SLC35F3: variants seen among roughly 807,000 people sequenced by gnomAD.
SLC35F3 encodes the protein putative thiamine transporter SLC35F3.
Under a neutral mutation model 49.9 loss-of-function variants are expected in SLC35F3, and 25 were observed. The ratio of observed to expected loss-of-function variants is 0.50; its 90% CI spans 0.37 to 0.70. SLC35F3 has a LOEUF of 0.70. Ranked by LOEUF, SLC35F3 falls within the 30% of genes least tolerant of loss-of-function variation. SLC35F3 has a pLI of 0.00. For missense variants in SLC35F3, 525 were observed against 639.8 expected, an observed-to-expected ratio of 0.82 and a Z score of 1.94; for synonymous variants, 275 against 265.4, an observed-to-expected ratio of 1.04 and a Z score of -0.35.
At chr1:234,237,796 G>A (rs1309960433) in intron 3 of SLC35F3, among the ~76,000 whole-genome samples, 10 of 152,224 alleles carry the variant, frequency 6.6e-5, no homozygotes, top group Non-Finnish European at 1.5e-5. Flanking sequence ...AAGTGGAAAT[G>A]CCCTTTACCT....
chr1:233,938,057 C>T (rs1662362311), intron 2 of SLC35F3, among the ~76,000 whole-genome samples: 1 of 152,094 alleles, frequency 6.6e-6, no homozygotes. Context: ...TGCCATTGCC[C>T]CCATTGATTA....
At chr1:234,251,298 T>C (rs1373924456) in intron 3 of SLC35F3, among the ~76,000 whole-genome samples, 2 of 152,120 alleles carry the variant, frequency 1.3e-5, no homozygotes, top group African/African-American at 4.8e-5. Flanking sequence ...AAAGTAACCA[T>C]GGCATCCTAA....
intron 3 of SLC35F3, among the ~76,000 whole-genome samples, chr1:234,282,557 C>T (rs76853338): frequency 0.058 from 8,764 of 152,300 alleles, 320 homozygotes; most frequent in African/African-American, 0.097. Context: ...GATGCCCCAG[C>T]GACCAGGTGT....
At chr1:234,036,311 C>A (rs144974164) in intron 2 of SLC35F3, among the ~76,000 whole-genome samples, 1 of 152,210 alleles carries the variant, frequency 6.6e-6, no homozygotes. Context: ...AGCAATCCTC[C>A]CAGCTTAGCG....
rs550796904 is a variant in SLC35F3 at position 234,179,193 on chromosome 1, C to T, written c.284-52224C>T. On this transcript the variant is annotated intron_variant, in intron 2 of 7. Coordinates refer to ENST00000366618, the MANE Select transcript of SLC35F3 (RefSeq NM_173508.4). ...AGACCTGAGTAGAATAGAACTCCTA[C>T]GCCGAGTGTTTCAGTGAACAGAGAA... Among the ~76,000 whole-genome samples, 14 of 152,232 alleles carry T rather than the reference C, an allele frequency of 9.2e-5. No homozygotes were observed. In the South Asian group the frequency reaches 2.1e-3, roughly 23 times the overall value.
chr1:234,212,339 C>T (rs1456765904), intron 2 of SLC35F3, among the ~76,000 whole-genome samples: 1 of 152,208 alleles, frequency 6.6e-6, no homozygotes, highest in African/African-American at 2.4e-5. Flanking sequence ...TACAGATGCT[C>T]AGGCACGGTG....
At chr1:234,066,857 C>CACAG (rs1474834497) in intron 2 of SLC35F3, among the ~76,000 whole-genome samples, 7 of 150,894 alleles carry the variant, frequency 4.6e-5, no homozygotes, top group African/African-American at 1.7e-4. Flanking sequence ...CACACACACA[C>CACAG]ACACACACAC....
At chr1:234,298,508 G>A (rs1668641840) in intron 3 of SLC35F3, among the ~76,000 whole-genome samples, 1 of 152,354 alleles carries the variant, frequency 6.6e-6, no homozygotes, top group East Asian at 1.9e-4. Flanking sequence ...GTGTTAGCAA[G>A]TGCCCTAGGT....
chr1:234,104,885 CTT>C (rs1665260505), intron 2 of SLC35F3, among the ~76,000 whole-genome samples: 1 of 152,160 alleles, frequency 6.6e-6, no homozygotes, highest in South Asian at 2.1e-4. Flanking sequence ...AATCCCAGCA[CTT>C]TGGGAGGCCG....
intron 2 of SLC35F3, among the ~76,000 whole-genome samples, chr1:234,026,519 T>C (rs1663981016): frequency 6.6e-6 from 1 of 152,216 alleles, no homozygotes; most frequent in Non-Finnish European, 1.5e-5. Context: ...AAGAAAACAA[T>C]TTAGTTCTGA....
chr1:233,970,613 T>G (rs1164106675), intron 2 of SLC35F3, among the ~76,000 whole-genome samples: 3 of 152,170 alleles, frequency 2.0e-5, no homozygotes, highest in Non-Finnish European at 4.4e-5. Context: ...GACAGGGCCT[T>G]TAAAGAGGCA....
At chr1:234,295,536 G>C (rs183773645) in intron 3 of SLC35F3, among the ~76,000 whole-genome samples, 1 of 152,130 alleles carries the variant, frequency 6.6e-6, no homozygotes, top group Non-Finnish European at 1.5e-5. Flanking sequence ...GCTCGCCCAA[G>C]GTCTTCAGGA....
intron 4 of SLC35F3, among the ~76,000 whole-genome samples, chr1:234,309,775 C>T (rs1244220358): frequency 1.3e-5 from 2 of 152,230 alleles, no homozygotes; most frequent in East Asian, 1.9e-4. Flanking sequence ...GGCATCCATG[C>T]GTGCATGCAG....
intron 7 of SLC35F3, among the ~76,000 whole-genome samples, chr1:234,321,319 T>A (rs1037462788): frequency 6.6e-6 from 1 of 152,198 alleles, no homozygotes. Flanking sequence ...TCCCAACATA[T>A]CTGCTCTCTG....
intron 2 of SLC35F3, among the ~76,000 whole-genome samples, chr1:234,062,844 ATTT>A (rs71170448): frequency 2.3e-5 from 3 of 132,506 alleles, no homozygotes; most frequent in Admixed American, 7.7e-5. Context: ...CGCCTGGCTA[ATTT>A]TTTTTTTTTT....
intron 2 of SLC35F3, among the ~76,000 whole-genome samples, chr1:233,961,775 G>C (rs1662808168): frequency 6.6e-6 from 1 of 152,166 alleles, no homozygotes. Context: ...AGCTTTTTTA[G>C]AGATCTGCTG....
chr1:233,965,822 G>A lies in SLC35F3; in HGVS notation c.283+60064G>A, dbSNP rs150485849. On this transcript the variant is annotated intron_variant, in intron 2 of 7. Transcript: ENST00000366618. ...CTCAAAACTGTGAAATAATTAATGC[G>A]TGCTGTCATAAACCTCTATGTAGGG... 5.1e-4 allele frequency among the ~76,000 whole-genome samples: 78 copies of A among 152,250 alleles called. No homozygotes were observed. The East Asian group carries it at 8.1e-3, about 16-fold the overall frequency.
intron 1 of SLC35F3, 132 bp from the exon 2 acceptor site, chr1:233,905,397 C>T: frequency 1.3e-6 from 1 of 754,244 alleles, no homozygotes; most frequent in Non-Finnish European, 2.1e-6. Context: ...GCGGGCTCTG[C>T]CGCGGCGCTC....
chr1:233,932,330 G>A (rs1286343825), intron 2 of SLC35F3, among the ~76,000 whole-genome samples: 1 of 152,114 alleles, frequency 6.6e-6, no homozygotes, highest in Non-Finnish European at 1.5e-5. Flanking sequence ...TGTCTCAGGG[G>A]TGGCAGAGGC....
Sources: allele counts gnomAD v4.1 joint callset (sites outside exome capture counted in the v4.1 genomes callset), GRCh38; gene constraint gnomAD v4.1.1; transcripts MANE v1.5; gene names NCBI Gene and HGNC (gene_info 2026-07-23, HGNC 2026-07-21).